Variants in BYSL observed in about 807,000 individuals in gnomAD.
BYSL encodes bystin like.
In BYSL, 21 loss-of-function variants were observed where a neutral mutation model predicts 45.4. That is an observed-to-expected ratio of 0.46 (90% CI 0.33 to 0.67). The LOEUF is 0.67. Among genes scored for constraint, BYSL ranks in the 30% least tolerant of loss-of-function variants. The pLI, the probability that BYSL is intolerant of heterozygous loss-of-function variation, is 0.02. For missense variants in BYSL, 522 were observed against 578.5 expected, an observed-to-expected ratio of 0.90 and a Z score of 1.00; for synonymous variants, 215 against 231.3, an observed-to-expected ratio of 0.93 and a Z score of 0.64.
At chr6:41,923,886 A>G (rs1775526936) in intron 1 of BYSL, among the ~76,000 whole-genome samples, 2 of 152,146 alleles carry the variant, frequency 1.3e-5, no homozygotes, top group Admixed American at 6.5e-5. Flanking sequence ...ATTGTGCCTT[A>G]AACGTGGGAA....
chr6:41,919,623 C>T (rs1775407592), upstream of BYSL, among the ~76,000 whole-genome samples: 1 of 152,128 alleles, frequency 6.6e-6, no homozygotes, highest in African/African-American at 2.4e-5. Context: ...CCTGGAGCTG[C>T]CTTCTCCATT....
At chr6:41,909,333 C>T in the BYSL span, 1 of 1,614,164 alleles carries the variant, frequency 6.2e-7, no homozygotes, top group Non-Finnish European at 8.5e-7. Flanking sequence ...CAGGAAGTCA[C>T]AGTACTGGTA....
At chr6:41,925,240 C>T (rs1282234155) in intron 1 of BYSL, among the ~76,000 whole-genome samples, 1 of 152,128 alleles carries the variant, frequency 6.6e-6, no homozygotes, top group African/African-American at 2.4e-5. Flanking sequence ...CACACACTGC[C>T]TTTGTTGTTA....
At chr6:41,920,043 G>C (rs770966388), upstream of BYSL, among the ~76,000 whole-genome samples, 1 of 152,160 alleles carries the variant, frequency 6.6e-6, no homozygotes, top group African/African-American at 2.4e-5. Flanking sequence ...CACATCTACT[G>C]AGATAAGAAA....
chr6:41,917,856 T>A (rs929297826), upstream of BYSL: 1 of 455,888 alleles, frequency 2.2e-6, no homozygotes, highest in South Asian at 1.6e-5. Context: ...CTGGGACTAG[T>A]GTATTGGACA....
upstream of BYSL, chr6:41,916,876 C>A: frequency 1.2e-6 from 2 of 1,614,112 alleles, no homozygotes; most frequent in South Asian, 2.2e-5. Flanking sequence ...TCTCCAATTT[C>A]CGGGTAAGGA....
intron 2 of BYSL, among the ~76,000 whole-genome samples, chr6:41,928,959 G>A (rs1242319735): frequency 6.6e-6 from 1 of 152,144 alleles, no homozygotes; most frequent in Non-Finnish European, 1.5e-5. Context: ...TTTGTGACAG[G>A]ATCTCACTCT....
chr6:41,912,926 A>AG, the BYSL span: 1 of 152,042 alleles, frequency 6.6e-6, no homozygotes, highest in African/African-American at 2.4e-5. Flanking sequence ...TGGGCAACAT[A>AG]GGGAGACCTT....
In BYSL at chr6:41,921,646, G is replaced by T; in HGVS notation, c.84G>T (p.Ala28=). The T allele has an allele frequency of 6.2e-7, 1 of 1,613,626 alleles. No homozygotes were observed. The highest frequency in any genetic ancestry group is 8.5e-7 in the Non-Finnish European group (1 of 1,179,864). The change falls in exon 1 of 7, where the codon GCG becomes GCT. Residue 28 remains alanine (A), a synonymous_variant. Transcript: ENST00000230340. The part of the protein sequence containing the change: ...PLADQILAGN[A]VRAGVREKRR... ...CCGATCAGATCCTGGCTGGGAATGC[G>T]GTGCGGGCGGGGGTCCGGGAGAAGC...
rs1249301982 is a variant in BYSL at position 41,923,184 on chromosome 6, C to T, written c.268+1354C>T. On this transcript the variant is annotated intron_variant, in intron 1 of 6. Coordinates refer to ENST00000230340, the MANE Select transcript of BYSL (RefSeq NM_004053.4). ...AGAGTCTCTCTCTCTCTCTGTCACC[C>T]AGGATAGAGTGCGGTGGCACAATCA... 3.3e-5 allele frequency among the ~76,000 whole-genome samples: 5 copies of T among 151,976 alleles called. No homozygotes were observed. In the East Asian group the frequency reaches 5.8e-4, roughly 18 times the overall value.
At chr6:41,914,405 G>A in the BYSL span, among the ~76,000 whole-genome samples, 1 of 152,168 alleles carries the variant, frequency 6.6e-6, no homozygotes, top group South Asian at 2.1e-4. Flanking sequence ...GGAAAGTGCA[G>A]GAAATGGATC....
At chr6:41,925,905 C>T (rs1312661676) in intron 1 of BYSL, among the ~76,000 whole-genome samples, 2 of 151,928 alleles carry the variant, frequency 1.3e-5, no homozygotes, top group Admixed American at 6.6e-5. Context: ...AGGCTGGTCT[C>T]GAACTCCCAA....
chr6:41,930,824 G>C, intron 4 of BYSL, 56 bp downstream of exon 4: 1 of 1,569,460 alleles, frequency 6.4e-7, no homozygotes, highest in Non-Finnish European at 8.6e-7. Flanking sequence ...CTGAGTTTGG[G>C]ACGGACAGGC....
At chr6:41,921,344 A>G, upstream of BYSL, 1 of 634,940 alleles carries the variant, frequency 1.6e-6, no homozygotes, top group Non-Finnish European at 2.7e-6. Flanking sequence ...GAGAGAAGCT[A>G]ACGTTAAAGG....
In BYSL at chr6:41,932,712, A is replaced by C; in HGVS notation, c.*6A>C. ...TTCCCATCACCGTGGAGTGAGGAAA[A>C]CAGTCAGCTGTCCTGGCCAAAGGGG... On this transcript the variant is annotated 3_prime_UTR_variant, in exon 7 of 7. Coordinates refer to ENST00000230340, the MANE Select transcript of BYSL (RefSeq NM_004053.4). This position sits in a 1 kb window ranked among gnomAD's most constrained non-coding sequence, Gnocchi z 4.7. 1 of 1,600,380 alleles carries C rather than the reference A, an allele frequency of 6.2e-7. No homozygotes were observed. Among genetic ancestry groups the C allele is most frequent in the African/African-American group, 1.3e-5 (1 of 74,820 alleles).
At chr6:41,930,093 G>C (rs746015637) in intron 2 of BYSL, 39 bp from the exon 3 acceptor site, 3 of 1,612,196 alleles carry the variant, frequency 1.9e-6, no homozygotes, top group Admixed American at 1.7e-5. Context: ...AGTGCTCCTT[G>C]CCCCCTCTCT....
chr6:41,918,963 A>C (rs1412262874), upstream of BYSL, among the ~76,000 whole-genome samples: 1 of 145,574 alleles, frequency 6.9e-6, no homozygotes, highest in Non-Finnish European at 1.5e-5. Flanking sequence ...CAAAAAAAAA[A>C]AAAAAATACA....
chr6:41,920,088 G>A (rs974007796), upstream of BYSL, among the ~76,000 whole-genome samples: 7 of 152,226 alleles, frequency 4.6e-5, no homozygotes, highest in Admixed American at 3.3e-4. Context: ...TACAACTAAC[G>A]CCTCCACGAG....
chr6:41,913,312 T>C, the BYSL span, among the ~76,000 whole-genome samples: 72 of 152,250 alleles, frequency 4.7e-4, no homozygotes, highest in African/African-American at 1.1e-3. Context: ...AATCCAGGCA[T>C]GCTCACCCCA....
Sources: gnomAD v4.1 joint callset for allele counts (sites outside exome capture counted in the v4.1 genomes callset) on GRCh38, gnomAD v4.1.1 for gene constraint, Gnocchi (gnomAD v3.1) non-coding constraint, MANE v1.5 for transcripts, NCBI Gene and HGNC (gene_info 2026-07-23, HGNC 2026-07-21) for gene names.